Variants in LRRC9 observed in about 807,000 individuals in gnomAD.
The protein encoded by LRRC9 is leucine rich repeat containing 9.
A neutral mutation model predicts 63.2 loss-of-function variants in LRRC9; 122 were observed. That is an observed-to-expected ratio of 1.93 (90% CI 1.67 to 2.24). The LOEUF (loss-of-function observed/expected upper bound fraction) is 2.24, where lower values mean the gene tolerates loss of function less well. LRRC9 is among the 30% of genes most tolerant of loss of function. The probability of loss-of-function intolerance (pLI) is 0.00; values close to 1 mark genes in which losing one functional copy is unlikely to be tolerated. For missense variants in LRRC9, 1,071 were observed against 627.7 expected (o/e 1.71, Z -7.55); for synonymous variants, 366 against 213.1 (o/e 1.72, Z -6.25).
At chr14:60,028,892 T>G (rs1465965168) in intron 28 of LRRC9, among the ~76,000 whole-genome samples, 2 of 152,156 alleles carry the variant, frequency 1.3e-5, no homozygotes, top group Non-Finnish European at 2.9e-5. Context: ...CATAAATGTT[T>G]GTTTGTGGCT....
chr14:60,007,951 A>G (rs1333262748), intron 22 of LRRC9, 141 bp from the exon 23 acceptor site: 5 of 433,454 alleles, frequency 1.2e-5, no homozygotes, highest in Non-Finnish European at 4.0e-6. Context: ...AAAAAAAAAA[A>G]AAAAAAAAAA....
chr14:60,034,199 A>C (rs1159424984), intron 29 of LRRC9, among the ~76,000 whole-genome samples: 1 of 151,346 alleles, frequency 6.6e-6, no homozygotes, highest in African/African-American at 2.4e-5. Flanking sequence ...TTGTATTTTT[A>C]GTAGAGACAG....
intron 26 of LRRC9, among the ~76,000 whole-genome samples, chr14:60,020,332 T>C (rs1357670089): frequency 6.6e-6 from 1 of 151,950 alleles, no homozygotes; most frequent in Admixed American, 6.6e-5. Flanking sequence ...ATGTATTATA[T>C]GACAAGTTAT....
At chr14:60,009,858 C>A (rs1890120002) in intron 23 of LRRC9, among the ~76,000 whole-genome samples, 1 of 152,208 alleles carries the variant, frequency 6.6e-6, no homozygotes, top group African/African-American at 2.4e-5. Flanking sequence ...AGCCCAAAAT[C>A]CAGTGAGGCA....
In LRRC9 at chr14:59,974,651, C is replaced by T. The variant is rs1465371174; in HGVS notation, c.1582C>T (p.Gln528Ter). Residue 528 changes from glutamine (Q) to a stop codon, truncating the protein, a stop_gained, in exon 13 of 32, where the codon CAG becomes TAG. Coordinates refer to ENST00000445360, the Ensembl canonical transcript of LRRC9. LOFTEE classifies it high-confidence loss of function. ...TGAGTGTCCCAGAATTGAATTTTTACAGCAAAAGCACAAAGATGAGAAGAA... is the reference window on the plus strand; with the variant it reads ...TGAGTGTCCCAGAATTGAATTTTTATAGCAAAAGCACAAAGATGAGAAGAA... The T allele has an allele frequency of 1.0e-5, 7 of 691,756 alleles. 1 individual carries two copies. Among genetic ancestry groups the T allele is most frequent in the South Asian group, 7.6e-5 (5 of 65,858 alleles). The allele number at this position is 691,756 out of a possible 1,614,324, so 42.9% of individuals were successfully genotyped here. A position where few individuals can be genotyped will look rare whatever the true frequency, so the allele number is the denominator to read the frequency against.
intron 26 of LRRC9, among the ~76,000 whole-genome samples, chr14:60,021,387 G>C (rs9944126): frequency 6.6e-6 from 1 of 151,638 alleles, no homozygotes; most frequent in Non-Finnish European, 1.5e-5. Flanking sequence ...TTATACTGGG[G>C]GTAAGCCCTT....
intron 17 of LRRC9, among the ~76,000 whole-genome samples, chr14:59,994,676 T>C (rs1357129176): frequency 2.0e-5 from 3 of 152,318 alleles, no homozygotes; most frequent in South Asian, 2.1e-4. Context: ...GAATACTATG[T>C]GGCCATAAAA....
intron 23 of LRRC9, among the ~76,000 whole-genome samples, chr14:60,008,600 AAT>A (rs1164480695): frequency 2.6e-5 from 4 of 152,170 alleles, no homozygotes; most frequent in Non-Finnish European, 5.9e-5. Context: ...AATTAAGAAA[AAT>A]ATATTTGAAC....
At chr14:59,975,915 A>G (rs1259824556) in intron 13 of LRRC9, among the ~76,000 whole-genome samples, 1 of 152,166 alleles carries the variant, frequency 6.6e-6, no homozygotes, top group African/African-American at 2.4e-5. Context: ...ACACAGCAGG[A>G]GGTGAGCAGG....
chr14:59,928,538 G>C, intron 3 of LRRC9, 52 bp downstream of exon 3: 1 of 528,144 alleles, frequency 1.9e-6, no homozygotes, highest in Non-Finnish European at 3.3e-6. Flanking sequence ...GAATTATTTG[G>C]CTTTAGAAAA....
intron 4 of LRRC9, 99 bp downstream of exon 4, chr14:59,931,157 A>G (rs1889669436): frequency 3.3e-6 from 1 of 303,778 alleles, no homozygotes; most frequent in Non-Finnish European, 6.0e-6. Context: ...AGGCCAAACT[A>G]TTCTTGACTA....
At chr14:59,931,876 A>G (rs1023001459) in intron 5 of LRRC9, 93 bp from the exon 6 acceptor site, 4 of 645,832 alleles carry the variant, frequency 6.2e-6, no homozygotes, top group Non-Finnish European at 1.1e-5. Context: ...GTCTATTTAT[A>G]TGCAAGAAAC....
intron 26 of LRRC9, among the ~76,000 whole-genome samples, chr14:60,021,242 G>A (rs1405110641): frequency 1.3e-5 from 2 of 151,784 alleles, no homozygotes; most frequent in African/African-American, 4.8e-5. Flanking sequence ...TCCTAATGAC[G>A]AATAGTGTTG....
At chr14:60,034,541 C>A (rs1892272458) in intron 29 of LRRC9, among the ~76,000 whole-genome samples, 1 of 152,092 alleles carries the variant, frequency 6.6e-6, no homozygotes, top group Non-Finnish European at 1.5e-5. Context: ...CCAATCTAGT[C>A]TTTGTCTTCA....
chr14:60,019,184 T>C (rs1177080620), exon 26 of LRRC9: 1 of 700,288 alleles, frequency 1.4e-6, no homozygotes, highest in Non-Finnish European at 2.6e-6. Context: ...TCAGACTCAC[T>C]TAACCAGTAG....
intron 29 of LRRC9, among the ~76,000 whole-genome samples, chr14:60,046,816 G>C (rs1252022436): frequency 6.6e-6 from 1 of 152,122 alleles, no homozygotes; most frequent in Middle Eastern, 3.2e-3. Flanking sequence ...CAGTTTAATA[G>C]GAAGAACACT....
intron 13 of LRRC9, among the ~76,000 whole-genome samples, chr14:59,976,275 C>T (rs1886277175): frequency 6.6e-6 from 1 of 152,146 alleles, no homozygotes; most frequent in Non-Finnish European, 1.5e-5. Context: ...TATAATACAC[C>T]TGAATCATCC....
rs1889118958 is a variant in LRRC9, at chr14:59,999,232, AT to A, written c.2529+10del. On this transcript the variant is annotated splice_region_variant and intron_variant, in intron 19 of 31. Coordinates refer to ENST00000445360, the Ensembl canonical transcript of LRRC9. ...CAGGAACAAGGATTACTCAGGTTGG[AT>A]TTTACTGTTTACTATTCATTGTGCT... 3 of 697,950 alleles carry A rather than the reference AT, an allele frequency of 4.3e-6. No individual in the cohort carries two copies. Among genetic ancestry groups the A allele is most frequent in the Non-Finnish European group, 7.8e-6 (3 of 382,550 alleles). The allele number at this position is 697,950 out of a possible 1,614,324, so 43.2% of individuals were successfully genotyped here.
chr14:59,979,510 G>C (rs1003091069), intron 15 of LRRC9, among the ~76,000 whole-genome samples: 2 of 152,086 alleles, frequency 1.3e-5, no homozygotes, highest in African/African-American at 4.8e-5. Flanking sequence ...TACTCGGGAG[G>C]CTGAGGCAGG....
Sources: gnomAD v4.1 joint callset for allele counts (sites outside exome capture counted in the v4.1 genomes callset) on GRCh38, gnomAD v4.1.1 for gene constraint, MANE v1.5 for transcripts, NCBI Gene and HGNC (gene_info 2026-07-23, HGNC 2026-07-21) for gene names.